The following DGKD variants were observed in gnomAD, a reference collection of about 807,000 sequenced individuals.
DGKD encodes the protein diacylglycerol kinase delta, also known as DAG kinase delta.
DGKD carries 68 observed loss-of-function variants against 154.4 expected under a neutral mutation model. That is an observed-to-expected ratio of 0.44 (90% CI 0.36 to 0.54). The LOEUF is 0.54. DGKD is among the 20% of genes least tolerant of loss of function. DGKD has a pLI of 0.00. For synonymous variants in DGKD, 693 were observed against 638.0 expected, an observed-to-expected ratio of 1.09 and a Z score of -1.30; for missense variants, 1,343 against 1,593.6, an observed-to-expected ratio of 0.84 and a Z score of 2.68.
chr2:233,457,732 G>A lies in DGKD; in HGVS notation c.2580+404G>A. On this transcript the variant is annotated intron_variant, in intron 21 of 29. Transcript: ENST00000264057. The surrounding 1 kb of genome is among the most constrained non-coding windows in gnomAD (Gnocchi z 5.5). The stretch of plus-strand genomic sequence containing the variant: ...CAGAGTCAAGACAGGGCAGGCACAT[G>A]GAGGATGGGAGAGAGGTGCCCCGAC... The A allele has an allele frequency of 2.6e-6, 1 of 381,394 alleles. No homozygotes were observed. The highest frequency in any genetic ancestry group is 5.2e-6 in the Non-Finnish European group (1 of 192,208). The allele number at this position is 381,394 out of a possible 1,614,324, so 23.6% of individuals were successfully genotyped here. A position where few individuals can be genotyped will look rare whatever the true frequency, so the allele number is the denominator to read the frequency against.
intron 1 of DGKD, among the ~76,000 whole-genome samples, chr2:233,361,652 G>A (rs982843727): frequency 6.6e-6 from 1 of 152,178 alleles, no homozygotes. Flanking sequence ...AGAACCAGAT[G>A]AAAATTCTAG....
At chr2:233,435,218 G>A (rs1486403893) in intron 5 of DGKD, among the ~76,000 whole-genome samples, 1 of 152,188 alleles carries the variant, frequency 6.6e-6, no homozygotes, top group Non-Finnish European at 1.5e-5. Flanking sequence ...TCTGCAGCCG[G>A]GGAAACGGGG....
rs2062776698 is a variant in DGKD at position 233,438,596 on chromosome 2, A to T, written c.1085+217A>T. On this transcript the variant is annotated intron_variant, in intron 9 of 29. Coordinates refer to ENST00000264057, the MANE Select transcript of DGKD (RefSeq NM_152879.3). The surrounding 1 kb of genome is among the most constrained non-coding windows in gnomAD (Gnocchi z 4.1). ...ACAGTGCGCGTGTGCACACACGTAC[A>T]TACATCCATGTACACACACCCATGC... Among the ~76,000 whole-genome samples, 1 of 152,218 alleles carries T rather than the reference A, an allele frequency of 6.6e-6. No homozygotes were observed. Among genetic ancestry groups the T allele is most frequent in the African/African-American group, 2.4e-5 (1 of 41,458 alleles).
intron 3 of DGKD, among the ~76,000 whole-genome samples, chr2:233,391,153 A>G (rs970203620): frequency 6.6e-6 from 1 of 152,224 alleles, no homozygotes; most frequent in Non-Finnish European, 1.5e-5. Context: ...CACCTCAAAA[A>G]ACATTGAATG....
At chr2:233,467,596 G>C (rs964100994) in intron 28 of DGKD, among the ~76,000 whole-genome samples, 1 of 152,230 alleles carries the variant, frequency 6.6e-6, no homozygotes, top group Non-Finnish European at 1.5e-5. Flanking sequence ...TGCATTGGTC[G>C]AGGTTCCTGT....
At chr2:233,400,242 G>A (rs548008994) in intron 3 of DGKD, among the ~76,000 whole-genome samples, 3 of 152,332 alleles carry the variant, frequency 2.0e-5, no homozygotes, top group African/African-American at 7.2e-5. Flanking sequence ...TAAGTAGGAA[G>A]AGGGCTCATC....
intron 3 of DGKD, among the ~76,000 whole-genome samples, chr2:233,413,107 A>C (rs1559517590): frequency 6.6e-6 from 1 of 152,144 alleles, no homozygotes; most frequent in Non-Finnish European, 1.5e-5. Flanking sequence ...TTTAAAAAAT[A>C]GAGAGTCAGG....
At chr2:233,374,840 A>G (rs889054021) in intron 1 of DGKD, among the ~76,000 whole-genome samples, 6 of 151,152 alleles carry the variant, frequency 4.0e-5, no homozygotes, top group Middle Eastern at 3.3e-3. Flanking sequence ...TAGAGTCTCT[A>G]TAAAAGCAGA....
At chr2:233,405,194 AG>A (rs2061652749) in intron 3 of DGKD, among the ~76,000 whole-genome samples, 1 of 152,262 alleles carries the variant, frequency 6.6e-6, no homozygotes, top group East Asian at 1.9e-4. Context: ...CTGAAGCGCC[AG>A]TGCAACAGTA....
chr2:233,449,408 C>T lies in DGKD; in HGVS notation c.1888+32C>T. 1 of 1,573,044 alleles carries T rather than the reference C, an allele frequency of 6.4e-7. No homozygotes were observed. Among genetic ancestry groups the T allele is most frequent in the Non-Finnish European group, 8.7e-7 (1 of 1,152,654 alleles). On this transcript the variant is annotated intron_variant, in intron 15 of 29. Coordinates refer to ENST00000264057, the MANE Select transcript of DGKD (RefSeq NM_152879.3). This position sits in a 1 kb window ranked among gnomAD's most constrained non-coding sequence, Gnocchi z 5.3. ...GGCCTTGTGATGAGGAGGGGCTTTC[C>T]TCAGGCCAGCACTGGGCATGCCCAG...
chr2:233,395,772 G>T (rs78864653), intron 3 of DGKD, among the ~76,000 whole-genome samples: 3,343 of 149,998 alleles, frequency 0.022, 60 homozygotes, highest in Non-Finnish European at 0.032. Flanking sequence ...AGGCTCAAGC[G>T]ATCCACCGGC....
At chr2:233,421,533 G>A (rs1303367677) in intron 3 of DGKD, among the ~76,000 whole-genome samples, 2 of 152,166 alleles carry the variant, frequency 1.3e-5, no homozygotes, top group South Asian at 4.1e-4. Flanking sequence ...CACCTGCATG[G>A]CCCTCTGTGG....
At chr2:233,442,993 T>C (rs929041711) in intron 10 of DGKD, among the ~76,000 whole-genome samples, 5 of 152,198 alleles carry the variant, frequency 3.3e-5, no homozygotes, top group African/African-American at 1.2e-4. Flanking sequence ...CGTTTTCCAC[T>C]GGACACACCC....
chr2:233,369,802 T>C (rs13419047), intron 1 of DGKD, among the ~76,000 whole-genome samples: 2,315 of 152,242 alleles, frequency 0.015, 54 homozygotes, highest in African/African-American at 0.053. Flanking sequence ...TCCGTGTCCA[T>C]GTGTGTTCCT....
intron 3 of DGKD, among the ~76,000 whole-genome samples, chr2:233,393,791 C>G (rs1348388457): frequency 6.7e-6 from 1 of 149,092 alleles, no homozygotes; most frequent in Non-Finnish European, 1.5e-5. Flanking sequence ...TCCAGTGATT[C>G]TCCTGCCTCA....
In DGKD at chr2:233,458,490, C is replaced by T; in HGVS notation, c.2694+93C>T. 1.1e-6 allele frequency: 1 copy of T among 926,100 alleles called. No homozygotes were observed. The highest frequency in any genetic ancestry group is 1.7e-6 in the Non-Finnish European group (1 of 603,000). The allele number at this position is 926,100 out of a possible 1,614,324, so 57.4% of individuals were successfully genotyped here. On this transcript the variant is annotated intron_variant, in intron 22 of 29. Transcript: ENST00000264057. The surrounding 1 kb of genome is among the most constrained non-coding windows in gnomAD (Gnocchi z 6.6). The stretch of plus-strand genomic sequence containing the variant: ...TGCATGGAGCCTGGGAGGGTGGGCG[C>T]TTTCCAGGGCCATGTGGCTGCCTCA...
chr2:233,443,922 G>T (rs956912475), intron 10 of DGKD, among the ~76,000 whole-genome samples: 1 of 152,146 alleles, frequency 6.6e-6, no homozygotes, highest in Non-Finnish European at 1.5e-5. Context: ...GGCCCCTGCC[G>T]CCTCGGGGTT....
At chr2:233,389,812 G>A (rs1407945017) in intron 2 of DGKD, among the ~76,000 whole-genome samples, 1 of 152,146 alleles carries the variant, frequency 6.6e-6, no homozygotes, top group Non-Finnish European at 1.5e-5. Flanking sequence ...CCCCAGGCCT[G>A]ACTCCCAGCC....
At chr2:233,388,835 T>C (rs976527256) in intron 2 of DGKD, 1 of 140,142 alleles carries the variant, frequency 7.1e-6, no homozygotes, top group African/African-American at 2.7e-5. Flanking sequence ...AACCTCCGCC[T>C]CCTGGGTTCA....
Sources: gnomAD v4.1 joint callset for allele counts (sites outside exome capture counted in the v4.1 genomes callset) on GRCh38, gnomAD v4.1.1 for gene constraint, Gnocchi (gnomAD v3.1) non-coding constraint, MANE v1.5 for transcripts, NCBI Gene and HGNC (gene_info 2026-07-23, HGNC 2026-07-21) for gene names.